The following TTC28 variants were observed in gnomAD, a reference collection of about 807,000 sequenced individuals.
TTC28 encodes the protein tetratricopeptide repeat domain 28.
A neutral mutation model predicts 198.0 loss-of-function variants in TTC28; 61 were observed. The ratio of observed to expected loss-of-function variants is 0.31; its 90% CI spans 0.25 to 0.38. The LOEUF (loss-of-function observed/expected upper bound fraction) is 0.38. Ranked by LOEUF, TTC28 falls within the 10% of genes least tolerant of loss-of-function variation. The pLI, the probability that TTC28 is intolerant of heterozygous loss-of-function variation, is 1.00. For missense variants in TTC28, 2,678 were observed against 3,164.0 expected (o/e 0.85, Z 3.69); for synonymous variants, 1,171 against 1,297.8 (o/e 0.90, Z 2.10).
At chr22:28,663,181 G>A (rs2051777581) in intron 1 of TTC28, among the ~76,000 whole-genome samples, 1 of 151,154 alleles carries the variant, frequency 6.6e-6, no homozygotes, top group Non-Finnish European at 1.5e-5. Context: ...CCAGGAGGCA[G>A]AGATTGCAGT....
At chr22:28,320,662 A>G (rs1445580907) in intron 2 of TTC28, among the ~76,000 whole-genome samples, 1 of 152,214 alleles carries the variant, frequency 6.6e-6, no homozygotes, top group Non-Finnish European at 1.5e-5. Context: ...ACATGAAACA[A>G]TCAGAACTGA....
intron 14 of TTC28, among the ~76,000 whole-genome samples, chr22:28,003,949 G>A (rs549900862): frequency 2.0e-4 from 31 of 152,330 alleles, no homozygotes; most frequent in Non-Finnish European, 3.5e-4. Flanking sequence ...ACTGGGGACC[G>A]TAGGGAAGTC....
intron 2 of TTC28, among the ~76,000 whole-genome samples, chr22:28,440,355 G>A (rs1601401064): frequency 3.9e-5 from 6 of 151,972 alleles, no homozygotes; most frequent in Admixed American, 3.9e-4. Context: ...ACTGAATATT[G>A]CAGACTCACA....
chr22:28,149,364 T>G (rs1943551367), intron 6 of TTC28, among the ~76,000 whole-genome samples: 1 of 152,142 alleles, frequency 6.6e-6, no homozygotes, highest in Non-Finnish European at 1.5e-5. Flanking sequence ...TAAGTGTCCA[T>G]CATGGATGAG....
chr22:28,179,460 T>C (rs1021346756), intron 5 of TTC28, among the ~76,000 whole-genome samples: 1 of 152,124 alleles, frequency 6.6e-6, no homozygotes, highest in Non-Finnish European at 1.5e-5. Context: ...GCGCCTGGCC[T>C]AGGGCGGTTT....
intron 6 of TTC28, among the ~76,000 whole-genome samples, chr22:28,160,839 T>G (rs1569169336): frequency 6.6e-6 from 1 of 152,166 alleles, no homozygotes; most frequent in African/African-American, 2.4e-5. Flanking sequence ...CTTTTAAAAA[T>G]TGTTTGTTTT....
intron 3 of TTC28, among the ~76,000 whole-genome samples, chr22:28,305,880 C>T (rs921668168): frequency 8.5e-5 from 13 of 152,146 alleles, no homozygotes; most frequent in African/African-American, 3.1e-4. Context: ...ATTTTCAATC[C>T]ATTCTTTTGT....
At chr22:28,576,677 G>A (rs1168255575) in intron 2 of TTC28, among the ~76,000 whole-genome samples, 2 of 152,012 alleles carry the variant, frequency 1.3e-5, no homozygotes, top group Non-Finnish European at 2.9e-5. Context: ...TTATTGGTCT[G>A]TTCAGGTTTT....
In TTC28 at chr22:28,287,853, T is replaced by C. The variant is rs148439850; in HGVS notation, c.933+8345A>G. 8.5e-5 allele frequency among the ~76,000 whole-genome samples: 13 copies of C among 152,244 alleles called. No homozygotes were observed. The East Asian group carries it at 2.1e-3, about 25-fold the overall frequency. Reference sequence around the variant, plus strand: ...AAGATGGACTAGATCAAGAAGAAACTAGAATCAGGGCAGGGTTAAAACAGG... The same window carrying C: ...AAGATGGACTAGATCAAGAAGAAACCAGAATCAGGGCAGGGTTAAAACAGG... On this transcript the variant is annotated intron_variant, in intron 5 of 22. Coordinates refer to ENST00000397906, the MANE Select transcript of TTC28 (RefSeq NM_001145418.2).
intron 2 of TTC28, among the ~76,000 whole-genome samples, chr22:28,617,518 G>T (rs1431201717): frequency 6.6e-6 from 1 of 152,018 alleles, no homozygotes; most frequent in Non-Finnish European, 1.5e-5. Flanking sequence ...GGGGGCATAT[G>T]ATATGGTCTA....
intron 2 of TTC28, among the ~76,000 whole-genome samples, chr22:28,432,955 C>G (rs2047454836): frequency 6.6e-6 from 1 of 152,140 alleles, no homozygotes; most frequent in South Asian, 2.1e-4. Flanking sequence ...TACCCAGGGT[C>G]CCCACCAAAG....
chr22:28,042,964 G>A (rs1283377831), intron 12 of TTC28, among the ~76,000 whole-genome samples: 1 of 151,968 alleles, frequency 6.6e-6, no homozygotes, highest in Non-Finnish European at 1.5e-5. Context: ...TGCCTCCCTG[G>A]GCCAGGCACG....
At chr22:28,237,113 C>T (rs185092666) in intron 5 of TTC28, among the ~76,000 whole-genome samples, 1 of 152,138 alleles carries the variant, frequency 6.6e-6, no homozygotes, top group Admixed American at 6.5e-5. Context: ...CCTCTATTGA[C>T]TTTGTGTTCT....
intron 5 of TTC28, among the ~76,000 whole-genome samples, chr22:28,192,128 C>G (rs1924863233): frequency 6.6e-6 from 1 of 152,200 alleles, no homozygotes; most frequent in Non-Finnish European, 1.5e-5. Context: ...ATTTGCTGTT[C>G]ACCAATAACC....
chr22:28,032,013 C>T (rs1186795044), intron 12 of TTC28, among the ~76,000 whole-genome samples: 1 of 151,604 alleles, frequency 6.6e-6, no homozygotes, highest in African/African-American at 2.4e-5. Flanking sequence ...ACCCTACTGG[C>T]TTTCCTGGGT....
chr22:28,355,997 C>T (rs1381092933), intron 2 of TTC28, among the ~76,000 whole-genome samples: 1 of 152,210 alleles, frequency 6.6e-6, no homozygotes, highest in African/African-American at 2.4e-5. Flanking sequence ...CCTTCTGTTG[C>T]TTTGGAAAAT....
intron 5 of TTC28, among the ~76,000 whole-genome samples, chr22:28,284,149 A>T (rs933400190): frequency 2.0e-5 from 3 of 152,200 alleles, no homozygotes; most frequent in Admixed American, 6.5e-5. Context: ...GAATGATGGC[A>T]TATTCATCTT....
chr22:28,088,782 T>A (rs1941712861), intron 12 of TTC28, among the ~76,000 whole-genome samples: 1 of 152,032 alleles, frequency 6.6e-6, no homozygotes, highest in South Asian at 2.1e-4. Flanking sequence ...AGGGCTAATA[T>A]CCAGAATCTA....
chr22:28,392,671 G>A (rs1337979145), intron 2 of TTC28, among the ~76,000 whole-genome samples: 2 of 152,050 alleles, frequency 1.3e-5, no homozygotes, highest in East Asian at 1.9e-4. Context: ...TGCGCTTCCC[G>A]AGTGAGGCAA....
Sources: gnomAD v4.1 joint callset for allele counts (sites outside exome capture counted in the v4.1 genomes callset) on GRCh38, gnomAD v4.1.1 for gene constraint, MANE v1.5 for transcripts, NCBI Gene and HGNC (gene_info 2026-07-23, HGNC 2026-07-21) for gene names.